The following PF4V1 variants were observed in gnomAD, a reference collection of about 807,000 sequenced individuals.
PF4V1 encodes platelet factor 4 variant.
In PF4V1, 4 loss-of-function variants were observed where a neutral mutation model predicts 6.9. That is an observed-to-expected ratio of 0.58 (90% CI 0.29 to 1.34). The LOEUF (loss-of-function observed/expected upper bound fraction) is 1.34, where lower values mean the gene tolerates loss of function less well. PF4V1 is among the 40% of genes most tolerant of loss of function. The probability of loss-of-function intolerance (pLI) is 0.09; values close to 1 mark genes in which losing one functional copy is unlikely to be tolerated. For missense variants in PF4V1, 127 were observed against 128.6 expected (o/e 0.99, Z 0.06); for synonymous variants, 68 against 55.9 (o/e 1.22, Z -0.97).
Position 73,853,309 on chromosome 4 carries a change from C to T in PF4V1, c.-54C>T, listed in dbSNP as rs1248816537. On this transcript the variant is annotated 5_prime_UTR_variant, in exon 1 of 3. Coordinates refer to ENST00000226524, the MANE Select transcript of PF4V1 (RefSeq NM_002620.4). Reference sequence around the variant, plus strand: ...AGGCCAGGAGTCACTGCCTGCAGAACCCCAGCCCGACTTTCCCTGCGCACT... The same window carrying T: ...AGGCCAGGAGTCACTGCCTGCAGAATCCCAGCCCGACTTTCCCTGCGCACT... 6.3e-6 allele frequency: 9 copies of T among 1,439,112 alleles called. No individual in the cohort carries two copies. The highest frequency in any genetic ancestry group is 8.8e-6 in the Non-Finnish European group (9 of 1,021,650). The allele number at this position is 1,439,112 out of a possible 1,614,324, so 89.1% of individuals were successfully genotyped here.
At chr4:73,853,631 T>G in intron 1 of PF4V1, 152 bp from the exon 2 acceptor site, 1 of 1,299,112 alleles carries the variant, frequency 7.7e-7, no homozygotes, top group East Asian at 2.5e-5. Flanking sequence ...CGCCACCTGA[T>G]CAGCACAACC....
chr4:73,854,258 A>C lies in PF4V1; in HGVS notation c.*136A>C, dbSNP rs905317026. 1 of 624,562 alleles carries C rather than the reference A, an allele frequency of 1.6e-6. No homozygotes were observed. The highest frequency in any genetic ancestry group is 3.1e-5 in the Admixed American group (1 of 32,588). 38.7% of individuals were successfully genotyped at this position (624,562 alleles called of 1,614,324 possible). A position where few individuals can be genotyped will look rare whatever the true frequency, so the allele number is the denominator to read the frequency against. On this transcript the variant is annotated 3_prime_UTR_variant, in exon 3 of 3. Coordinates refer to ENST00000226524, the MANE Select transcript of PF4V1 (RefSeq NM_002620.4). ...CAATCTATTTCTTAATAATACTGCA[A>C]AAATAATGCTGACACATCACAATTT... is the stretch of plus-strand genomic sequence containing the variant.
rs201634449 is a variant in PF4V1, at chr4:73,854,142, G to T, written c.*20G>T. The T allele has an allele frequency of 6.5e-7, 1 of 1,531,298 alleles. No individual in the cohort carries two copies. The highest frequency in any genetic ancestry group is 1.7e-5 in the Admixed American group (1 of 59,772). 94.9% of individuals were successfully genotyped at this position (1,531,298 alleles called of 1,614,324 possible). ...AGTTAGCTACTAGCTGCCTAAGTGTGCACTTTCAATCTAACTGTGAAAGAA... is the reference window on the plus strand; with the variant it reads ...AGTTAGCTACTAGCTGCCTAAGTGTTCACTTTCAATCTAACTGTGAAAGAA... On this transcript the variant is annotated 3_prime_UTR_variant, in exon 3 of 3. Transcript: ENST00000226524.
Position 73,853,321 on chromosome 4 carries a change from T to C in PF4V1, c.-42T>C, listed in dbSNP as rs932329279. 7 of 1,538,878 alleles carry C rather than the reference T, an allele frequency of 4.5e-6. No individual in the cohort carries two copies. In the African/African-American group the frequency reaches 6.8e-5, roughly 15 times the overall value. On this transcript the variant is annotated 5_prime_UTR_variant, in exon 1 of 3. Transcript: ENST00000226524. ...ACTGCCTGCAGAACCCCAGCCCGAC[T>C]TTCCCTGCGCACTGGGATCCTGCTG... is the stretch of plus-strand genomic sequence containing the variant.
At chr4:73,853,552 G>A in intron 1 of PF4V1, 90 bp downstream of exon 1, 14 of 1,463,536 alleles carry the variant, frequency 9.6e-6, no homozygotes, top group Non-Finnish European at 1.3e-5. Context: ...CTAGGATCAT[G>A]ATCGCAGCTG....
At position 73,854,064 on chromosome 4, in the gene PF4V1, G is replaced by T. The variant is rs902606640; in HGVS notation, c.257G>T (p.Cys86Phe). Residue 86 changes from cysteine to phenylalanine, a missense_variant, in exon 3 of 3, where the codon TGC (cysteine) becomes TTC (phenylalanine). Coordinates refer to ENST00000226524, the MANE Select transcript of PF4V1 (RefSeq NM_002620.4). ...ACGCTGAAGAATGGGAGGAAAATTT[G>T]CTTGGATCTGCAAGCCCTGCTGTAC... ...IATLKNGRKI[C>F]LDLQALLYKK... The T allele has an allele frequency of 6.2e-7, 1 of 1,614,214 alleles. No individual in the cohort carries two copies. The highest frequency in any genetic ancestry group is 1.3e-5 in the African/African-American group (1 of 75,052).
chr4:73,853,924 T>A lies in PF4V1; in HGVS notation c.227+15T>A. The A allele has an allele frequency of 1.2e-6, 2 of 1,601,510 alleles. No homozygotes were observed. The highest frequency in any genetic ancestry group is 1.7e-6 in the Non-Finnish European group (2 of 1,172,994). Reference sequence around the variant, plus strand: ...GCCCAACTCATGTGAGTCCTCGCACTGCATCAGTTAGTGCTCCCGCTCCGT... The same window carrying A: ...GCCCAACTCATGTGAGTCCTCGCACAGCATCAGTTAGTGCTCCCGCTCCGT... On this transcript the variant is annotated intron_variant, in intron 2 of 2. Coordinates refer to ENST00000226524, the MANE Select transcript of PF4V1 (RefSeq NM_002620.4).
At position 73,854,158 on chromosome 4, in the gene PF4V1, T is replaced by A. The variant is rs1383465833; in HGVS notation, c.*36T>A. The stretch of plus-strand genomic sequence containing the variant: ...CCTAAGTGTGCACTTTCAATCTAAC[T>A]GTGAAAGAATCTTCTGATGTTTGTA... On this transcript the variant is annotated 3_prime_UTR_variant, in exon 3 of 3. Transcript: ENST00000226524. 7.2e-7 allele frequency: 1 copy of A among 1,382,064 alleles called. No individual in the cohort carries two copies. Among genetic ancestry groups the A allele is most frequent in the South Asian group, 1.2e-5 (1 of 86,068 alleles). The allele number at this position is 1,382,064 out of a possible 1,614,324, so 85.6% of individuals were successfully genotyped here. A position where few individuals can be genotyped will look rare whatever the true frequency, so the allele number is the denominator to read the frequency against.
In PF4V1 at chr4:73,854,216, T is replaced by A. The variant is rs1731493555; in HGVS notation, c.*94T>A. The A allele has an allele frequency of 2.4e-6, 2 of 821,018 alleles. No individual in the cohort carries two copies. The allele number at this position is 821,018 out of a possible 1,614,324, so 50.9% of individuals were successfully genotyped here. A position where few individuals can be genotyped will look rare whatever the true frequency, so the allele number is the denominator to read the frequency against. ...TCTTATATTATATTAACGAAATAAA[T>A]CAAGTTGTGGTATAGTCAATCTATT... On this transcript the variant is annotated 3_prime_UTR_variant, in exon 3 of 3. Transcript: ENST00000226524.
In PF4V1 at chr4:73,853,432, C is replaced by G; in HGVS notation, c.70C>G (p.Leu24Val). 1 of 1,614,084 alleles carries G rather than the reference C, an allele frequency of 6.2e-7. No individual in the cohort carries two copies. Among genetic ancestry groups the G allele is most frequent in the Non-Finnish European group, 8.5e-7 (1 of 1,179,974 alleles). The part of the protein sequence containing the change: ...RQEMLFLALL[L>V]LPVVVAFARA... ...GGAGATGCTGTTCTTGGCGTTGCTG[C>G]TCCTGCCAGTTGTGGTCGCCTTCGC... The change falls in exon 1 of 3, where the codon CTC becomes GTC. Residue 24 changes from leucine to valine, a missense_variant. Transcript: ENST00000226524.
At position 73,853,373 on chromosome 4, in the gene PF4V1, C is replaced by A. The variant is rs1288352589; in HGVS notation, c.11C>A (p.Ala4Glu). 3 of 1,613,832 alleles carry A rather than the reference C, an allele frequency of 1.9e-6. No individual in the cohort carries two copies. The highest frequency in any genetic ancestry group is 1.3e-5 in the African/African-American group (1 of 74,948). Residue 4 changes from alanine to glutamate, a missense_variant, in exon 1 of 3, where the codon GCA (alanine) becomes GAA (glutamate). Coordinates refer to ENST00000226524, the MANE Select transcript of PF4V1 (RefSeq NM_002620.4). The stretch of plus-strand genomic sequence containing the variant: ...AACCTCAGCTGCAACATGAGCTCCG[C>A]AGCCAGGTCCCGCCTCACCCGCGCC... MSSAARSRLTRATR... is the reference protein window; with the variant it reads MSSEARSRLTRATR...
chr4:73,853,767 T>G lies in PF4V1; in HGVS notation c.101-16T>G, dbSNP rs1731479845. 6.3e-7 allele frequency: 1 copy of G among 1,599,194 alleles called. No individual in the cohort carries two copies. Among genetic ancestry groups the G allele is most frequent in the Admixed American group, 1.7e-5 (1 of 57,866 alleles). On this transcript the variant is annotated splice_polypyrimidine_tract_variant and intron_variant, in intron 1 of 2. Transcript: ENST00000226524. The stretch of plus-strand genomic sequence containing the variant: ...CCACCCCTCCTCCTCTCTTACTCCC[T>G]CCCTTTCCCCCTCAGCTGAAGCTGA...
At position 73,853,685 on chromosome 4, in the gene PF4V1, T is replaced by C. The variant is rs1731477148; in HGVS notation, c.101-98T>C. ...GATTTACGGCTAAGGAAAAGAAAGC[T>C]GAAGGTAGTGGAAAAGGTCCCTAAA... On this transcript the variant is annotated intron_variant, in intron 1 of 2. Transcript: ENST00000226524. 2.7e-6 allele frequency: 4 copies of C among 1,461,422 alleles called. No homozygotes were observed. The African/African-American group carries it at 5.6e-5, about 21-fold the overall frequency. 90.5% of individuals were successfully genotyped at this position (1,461,422 alleles called of 1,614,324 possible). A position where few individuals can be genotyped will look rare whatever the true frequency, so the allele number is the denominator to read the frequency against.
chr4:73,853,744 A>G (rs192873258), intron 1 of PF4V1, 39 bp from the exon 2 acceptor site: 1 of 1,572,810 alleles, frequency 6.4e-7, no homozygotes, highest in African/African-American at 1.4e-5. Context: ...CACAACTCCC[A>G]CCCCTCCTCC....
rs756856162 is a variant in PF4V1, at chr4:73,853,395, C to T, written c.33C>T (p.Arg11=). MSSAARSRLT[R]ATRQEMLFLA... ...CCGCAGCCAGGTCCCGCCTCACCCGCGCCACCCGCCAGGAGATGCTGTTCT... is the reference window on the plus strand; with the variant it reads ...CCGCAGCCAGGTCCCGCCTCACCCGTGCCACCCGCCAGGAGATGCTGTTCT... The change falls in exon 1 of 3, where the codon CGC becomes CGT. Residue 11 remains arginine (R), a synonymous_variant. Coordinates refer to ENST00000226524, the MANE Select transcript of PF4V1 (RefSeq NM_002620.4). The T allele has an allele frequency of 5.0e-6, 8 of 1,614,074 alleles. No individual in the cohort carries two copies. The highest frequency in any genetic ancestry group is 1.3e-5 in the African/African-American group (1 of 75,072).
In PF4V1 at chr4:73,853,460, G is replaced by A; in HGVS notation, c.98G>A (p.Arg33Lys). Residue 33 changes from arginine (R) to lysine (K), a missense_variant and splice_region_variant, in exon 1 of 3, where the codon AGA becomes AAA. By Grantham distance (26) the Arg-to-Lys change is conservative. Coordinates refer to ENST00000226524, the MANE Select transcript of PF4V1 (RefSeq NM_002620.4). ...LLLPVVVAFA[R>K]AEAEEDGDLQ... is the part of the protein sequence containing the mutation. ...CTGCCAGTTGTGGTCGCCTTCGCCA[G>A]AGGTGAGAGCAGAAACCAGGCTGGG... The A allele has an allele frequency of 1.9e-6, 3 of 1,611,430 alleles. No individual in the cohort carries two copies. Among genetic ancestry groups the A allele is most frequent in the Non-Finnish European group, 2.5e-6 (3 of 1,178,782 alleles).
At chr4:73,853,483 G>A (rs1176499324) in intron 1 of PF4V1, 21 bp downstream of exon 1, 1 of 1,589,202 alleles carries the variant, frequency 6.3e-7, no homozygotes, top group Non-Finnish European at 8.6e-7. Flanking sequence ...AAACCAGGCT[G>A]GGAGGGCCAG....
chr4:73,853,383 C>T lies in PF4V1; in HGVS notation c.21C>T (p.Ser7=), dbSNP rs148247108. ...GCAACATGAGCTCCGCAGCCAGGTC[C>T]CGCCTCACCCGCGCCACCCGCCAGG... is the stretch of plus-strand genomic sequence containing the variant. MSSAAR[S]RLTRATRQEM... is the part of the protein sequence containing the mutation. Residue 7 remains serine, a synonymous_variant, in exon 1 of 3, where the codon TCC becomes TCT. Transcript: ENST00000226524. 1 of 1,614,056 alleles carries T rather than the reference C, an allele frequency of 6.2e-7. No homozygotes were observed. The highest frequency in any genetic ancestry group is 2.2e-5 in the East Asian group (1 of 44,874).
chr4:73,853,976 C>T, intron 2 of PF4V1, 59 bp from the exon 3 acceptor site: 2 of 1,609,766 alleles, frequency 1.2e-6, no homozygotes, highest in Non-Finnish European at 1.7e-6. Context: ...CCTCCCCCTT[C>T]TAATGCCATT....
Sources: allele counts gnomAD v4.1 joint callset, GRCh38; gene constraint gnomAD v4.1.1; transcripts MANE v1.5; gene names NCBI Gene and HGNC (gene_info 2026-07-23, HGNC 2026-07-21).